The following NRG3 variants were observed in gnomAD, a reference collection of about 807,000 sequenced individuals.
NRG3 encodes the protein pro-neuregulin-3, membrane-bound isoform.
Under a neutral mutation model 66.9 loss-of-function variants are expected in NRG3, and 31 were observed. That is an observed-to-expected ratio of 0.46 (90% CI 0.35 to 0.63). The LOEUF is 0.63. Ranked by LOEUF, NRG3 falls within the 20% of genes least tolerant of loss-of-function variation. The pLI is 0.00. For missense variants in NRG3, 910 were observed against 878.9 expected, an observed-to-expected ratio of 1.04 and a Z score of -0.45; for synonymous variants, 393 against 359.4, an observed-to-expected ratio of 1.09 and a Z score of -1.06.
At chr10:82,177,718 C>T (rs990497709) in intron 1 of NRG3, among the ~76,000 whole-genome samples, 9 of 152,108 alleles carry the variant, frequency 5.9e-5, no homozygotes, top group African/African-American at 1.9e-4. Context: ...GGACCACAGG[C>T]GTGCGCCACC....
intron 1 of NRG3, among the ~76,000 whole-genome samples, chr10:81,937,224 G>C (rs1847959520): frequency 6.6e-6 from 1 of 152,116 alleles, no homozygotes. Context: ...TGTGAGTAAT[G>C]CTGCAGTGAA....
chr10:82,510,367 G>A (rs1169301988), intron 2 of NRG3, among the ~76,000 whole-genome samples: 1 of 152,178 alleles, frequency 6.6e-6, no homozygotes. Flanking sequence ...ATAAGCGCAG[G>A]CCCCTTCCAT....
At chr10:81,964,794 T>C (rs943284426) in intron 1 of NRG3, among the ~76,000 whole-genome samples, 15 of 152,304 alleles carry the variant, frequency 9.8e-5, no homozygotes, top group African/African-American at 3.6e-4. Flanking sequence ...GAAACAGATA[T>C]ATCCAGTTGT....
intron 1 of NRG3, among the ~76,000 whole-genome samples, chr10:82,047,950 T>C (rs4304710): frequency 0.89 from 134,648 of 151,768 alleles, 60,889 homozygotes; most frequent in South Asian, 0.99. Context: ...GTTGCAATCC[T>C]CATCTCTGAT....
intron 2 of NRG3, among the ~76,000 whole-genome samples, chr10:82,733,385 T>G (rs1010612477): frequency 3.9e-5 from 6 of 152,222 alleles, no homozygotes; most frequent in Non-Finnish European, 7.3e-5. Flanking sequence ...ATCTCATTTT[T>G]TTGGGGGGTT....
Position 82,526,544 on chromosome 10 carries a change from C to A in NRG3, c.953+167676C>A, listed in dbSNP as rs183110466. Among the ~76,000 whole-genome samples, 5 of 151,694 alleles carry A rather than the reference C, an allele frequency of 3.3e-5. No individual in the cohort carries two copies. The East Asian group carries it at 9.7e-4, about 29-fold the overall frequency. On this transcript the variant is annotated intron_variant, in intron 2 of 8. Coordinates refer to ENST00000372141, the MANE Select transcript of NRG3 (RefSeq NM_001010848.4). ...TAATGAAAGAATAAAAATGAAAATA[C>A]GTACAAATAGTAATCAAAAGTACAA...
At chr10:82,787,408 A>C (rs543931138) in intron 3 of NRG3, among the ~76,000 whole-genome samples, 2 of 152,324 alleles carry the variant, frequency 1.3e-5, no homozygotes, top group East Asian at 3.9e-4. Flanking sequence ...CTATAAGTAC[A>C]TGAAGAAAAG....
At chr10:81,963,702 T>C (rs1039037253) in intron 1 of NRG3, among the ~76,000 whole-genome samples, 12 of 152,182 alleles carry the variant, frequency 7.9e-5, no homozygotes, top group Non-Finnish European at 1.8e-4. Flanking sequence ...TCCACTTTCA[T>C]GATGCAGTGC....
At chr10:82,066,367 G>A (rs573841032) in intron 1 of NRG3, among the ~76,000 whole-genome samples, 12 of 151,764 alleles carry the variant, frequency 7.9e-5, no homozygotes, top group East Asian at 5.9e-4. Context: ...CATATATTTT[G>A]TGTAAATGTA....
chr10:82,856,904 TAC>T (rs1175094469), intron 3 of NRG3, among the ~76,000 whole-genome samples: 2 of 152,222 alleles, frequency 1.3e-5, no homozygotes, highest in Non-Finnish European at 2.9e-5. Context: ...TATTCACCTG[TAC>T]ACAGTTACTA....
intron 2 of NRG3, among the ~76,000 whole-genome samples, chr10:82,649,553 C>T (rs964710567): frequency 1.4e-5 from 2 of 142,320 alleles, no homozygotes; most frequent in East Asian, 2.3e-4. Flanking sequence ...TCACTGTAAC[C>T]TCTGCCTCCC....
chr10:82,975,274 A>G (rs1852142987), intron 7 of NRG3, among the ~76,000 whole-genome samples: 1 of 152,234 alleles, frequency 6.6e-6, no homozygotes, highest in Non-Finnish European at 1.5e-5. Context: ...ATGACACGTT[A>G]AAGTAGTATT....
chr10:82,916,827 G>C (rs1230510732), intron 4 of NRG3, among the ~76,000 whole-genome samples: 1 of 152,104 alleles, frequency 6.6e-6, no homozygotes, highest in Non-Finnish European at 1.5e-5. Flanking sequence ...TGTTGGCCAG[G>C]CTGGTCACAA....
intron 1 of NRG3, among the ~76,000 whole-genome samples, chr10:82,336,997 C>A (rs992291797): frequency 1.3e-5 from 2 of 151,284 alleles, no homozygotes; most frequent in African/African-American, 4.9e-5. Flanking sequence ...GAGGGTTTTT[C>A]TTTTTTTTTC....
intron 1 of NRG3, among the ~76,000 whole-genome samples, chr10:82,193,819 A>G (rs1455330215): frequency 6.6e-6 from 1 of 152,174 alleles, no homozygotes; most frequent in African/African-American, 2.4e-5. Flanking sequence ...TTGGATAAAT[A>G]CCCTAAGGGG....
At chr10:82,579,218 A>G (rs1175851058) in intron 2 of NRG3, among the ~76,000 whole-genome samples, 3 of 151,932 alleles carry the variant, frequency 2.0e-5, no homozygotes, top group African/African-American at 7.2e-5. Flanking sequence ...TAAATTAAGG[A>G]AACTGTATAC....
intron 2 of NRG3, among the ~76,000 whole-genome samples, chr10:82,547,420 T>C (rs908154423): frequency 2.0e-5 from 3 of 150,920 alleles, no homozygotes; most frequent in Admixed American, 6.6e-5. Flanking sequence ...TATACATACA[T>C]ATGTGTGTAT....
intron 4 of NRG3, among the ~76,000 whole-genome samples, chr10:82,917,966 G>GTATATATATATATATA (rs1216370656): frequency 3.1e-4 from 29 of 92,182 alleles, no homozygotes; most frequent in East Asian, 1.7e-3. Flanking sequence ...GTGTGTGTGT[G>GTATATATATATATATA]TGTGTATATA....
chr10:82,000,650 C>T (rs1347620678), intron 1 of NRG3, among the ~76,000 whole-genome samples: 1 of 152,186 alleles, frequency 6.6e-6, no homozygotes, highest in African/African-American at 2.4e-5. Context: ...AGCCTGTCAA[C>T]TCCTTCCTTC....
Sources: allele counts gnomAD v4.1 joint callset (sites outside exome capture counted in the v4.1 genomes callset), GRCh38; gene constraint gnomAD v4.1.1; transcripts MANE v1.5; gene names NCBI Gene and HGNC (gene_info 2026-07-23, HGNC 2026-07-21).